KCNJ4: variants seen among roughly 807,000 people sequenced by gnomAD.
KCNJ4 encodes the protein potassium inwardly rectifying channel subfamily J member 4.
KCNJ4 carries 3 observed loss-of-function variants against 25.6 expected under a neutral mutation model. That is an observed-to-expected ratio of 0.12 (90% CI 0.05 to 0.30). KCNJ4 has a LOEUF of 0.30. Ranked by LOEUF, KCNJ4 falls within the 10% of genes least tolerant of loss-of-function variation. The probability of loss-of-function intolerance (pLI) is 1.00; values close to 1 mark genes in which losing one functional copy is unlikely to be tolerated. For synonymous variants in KCNJ4, 257 were observed against 283.9 expected (o/e 0.91, Z 0.95); for missense variants, 286 against 666.8 (o/e 0.43, Z 6.29).
chr22:38,451,145 C>A (rs1489322920), intron 1 of KCNJ4, among the ~76,000 whole-genome samples: 6 of 152,200 alleles, frequency 3.9e-5, no homozygotes, highest in Admixed American at 1.3e-4. Context: ...CGCTGGGAAG[C>A]GGGGAAGCGA....
In KCNJ4 at chr22:38,453,691, G is replaced by A. The variant is rs565189549; in HGVS notation, c.-40+1289C>T. Among the ~76,000 whole-genome samples the A allele has an allele frequency of 5.9e-5, 9 of 152,296 alleles. No homozygotes were observed. The South Asian group carries it at 1.9e-3, about 32-fold the overall frequency. On this transcript the variant is annotated intron_variant, in intron 1 of 1. Transcript: ENST00000303592. Reference sequence around the variant, plus strand: ...CCACAGATGTGGAAGATGACGGTTGGGAGGAGAGTGACCAGCCCAGGGGGC... The same window carrying A: ...CCACAGATGTGGAAGATGACGGTTGAGAGGAGAGTGACCAGCCCAGGGGGC...
intron 1 of KCNJ4, among the ~76,000 whole-genome samples, chr22:38,444,846 CCATT>C (rs1209695616): frequency 6.6e-6 from 1 of 152,204 alleles, no homozygotes; most frequent in South Asian, 2.1e-4. Context: ...ATCCATCCAT[CCATT>C]CATTCATCAC....
At chr22:38,447,392 C>T (rs2089382241) in intron 1 of KCNJ4, among the ~76,000 whole-genome samples, 1 of 152,170 alleles carries the variant, frequency 6.6e-6, no homozygotes, top group South Asian at 2.1e-4. Flanking sequence ...GCCCAAAGCC[C>T]CTCTGCCTGC....
chr22:38,446,170 T>C (rs2089373087), intron 1 of KCNJ4, among the ~76,000 whole-genome samples: 1 of 152,244 alleles, frequency 6.6e-6, no homozygotes, highest in Admixed American at 6.5e-5. Context: ...GAGTAAGCTC[T>C]GCCGGGCTGC....
rs753671483 is a variant in KCNJ4 at position 38,427,839 on chromosome 22, G to GC, written c.293dup (p.Ala100GlyfsTer148). 5 of 1,603,314 alleles carry GC rather than the reference G, an allele frequency of 3.1e-6. No homozygotes were observed. The highest frequency in any genetic ancestry group is 1.7e-5 in the Admixed American group (1 of 57,876). ...CTGCTCCGCCACCACCCGCCGCCGG[G>GC]CCCCCCGCCGCAGGCACCCCTGGGC... On this transcript the variant is annotated frameshift_variant, in exon 2 of 2. Coordinates refer to ENST00000303592, the MANE Select transcript of KCNJ4 (RefSeq NM_152868.3). LOFTEE classifies it high-confidence loss of function.
At chr22:38,448,760 T>A (rs1430458770) in intron 1 of KCNJ4, among the ~76,000 whole-genome samples, 1 of 152,028 alleles carries the variant, frequency 6.6e-6, no homozygotes, top group African/African-American at 2.4e-5. Context: ...GGTTTCTCCA[T>A]CTCCCAGGAG....
At chr22:38,434,413 G>T (rs966249006) in intron 1 of KCNJ4, among the ~76,000 whole-genome samples, 22 of 152,282 alleles carry the variant, frequency 1.4e-4, no homozygotes, top group African/African-American at 5.1e-4. Context: ...TATCCTTTGT[G>T]TATTTAACAA....
chr22:38,442,776 G>A (rs574638188), intron 1 of KCNJ4, among the ~76,000 whole-genome samples: 4 of 152,122 alleles, frequency 2.6e-5, no homozygotes, highest in South Asian at 4.2e-4. Context: ...GCAGGGTCTC[G>A]CTGTCACCCA....
Position 38,427,355 on chromosome 22 carries a change from T to C in KCNJ4, c.778A>G (p.Ile260Val). ...LDRIFLVSPI[I>V]IVHEIDEDSP... is the part of the protein sequence containing the mutation. Reference sequence around the variant, plus strand: ...TCCTCGTCGATCTCGTGGACAATGATGATGGGCGACACCAGGAAGATGCGG... The same window carrying C: ...TCCTCGTCGATCTCGTGGACAATGACGATGGGCGACACCAGGAAGATGCGG... Residue 260 changes from isoleucine (I) to valine (V), a missense_variant, in exon 2 of 2, where the codon ATC (isoleucine) becomes GTC (valine). Ile to Val is a conservative substitution (Grantham distance 29). Transcript: ENST00000303592. 1 of 1,614,016 alleles carries C rather than the reference T, an allele frequency of 6.2e-7. No individual in the cohort carries two copies. The highest frequency in any genetic ancestry group is 8.5e-7 in the Non-Finnish European group (1 of 1,180,014).
At position 38,430,018 on chromosome 22, in the gene KCNJ4, C is replaced by T. The variant is rs1029379510; in HGVS notation, c.-39-1847G>A. On this transcript the variant is annotated intron_variant, in intron 1 of 1. Coordinates refer to ENST00000303592, the MANE Select transcript of KCNJ4 (RefSeq NM_152868.3). ...CTCTTCCCAAGAGAAACTCCCTCTCCGGGCCCAGGGAGAGTGAGCCCTGCC... is the reference window on the plus strand; with the variant it reads ...CTCTTCCCAAGAGAAACTCCCTCTCTGGGCCCAGGGAGAGTGAGCCCTGCC... Among the ~76,000 whole-genome samples the T allele has an allele frequency of 4.6e-5, 7 of 152,192 alleles. No homozygotes were observed. In the East Asian group the frequency reaches 5.8e-4, roughly 13 times the overall value.
Position 38,427,082 on chromosome 22 carries a change from G to A in KCNJ4, c.1051C>T (p.Arg351Trp), listed in dbSNP as rs1293721371. 4 of 1,612,814 alleles carry A rather than the reference G, an allele frequency of 2.5e-6. No individual in the cohort carries two copies. The highest frequency in any genetic ancestry group is 1.1e-5 in the South Asian group (1 of 91,084). The change falls in exon 2 of 2, where the codon CGG becomes TGG. Residue 351 changes from arginine (R) to tryptophan (W), a missense_variant. Coordinates refer to ENST00000303592, the MANE Select transcript of KCNJ4 (RefSeq NM_152868.3). ...GTGATCTTACTCTCCTGCAGCTCCCGGGCCGAGCAGCAGGGCGTGCCGGCC... is the reference window on the plus strand; with the variant it reads ...GTGATCTTACTCTCCTGCAGCTCCCAGGCCGAGCAGCAGGGCGTGCCGGCC... Reference protein sequence around the residue: ...EVAGTPCCSARELQESKITVL... With the variant: ...EVAGTPCCSAWELQESKITVL...
At chr22:38,431,780 G>A (rs535359320) in intron 1 of KCNJ4, among the ~76,000 whole-genome samples, 2 of 152,242 alleles carry the variant, frequency 1.3e-5, no homozygotes, top group Non-Finnish European at 2.9e-5. Flanking sequence ...GCAAGGCCTG[G>A]CCAAAAAGTG....
chr22:38,450,555 A>C (rs567579954), intron 1 of KCNJ4, among the ~76,000 whole-genome samples: 2 of 152,082 alleles, frequency 1.3e-5, no homozygotes, highest in East Asian at 3.9e-4. Flanking sequence ...CCTAGCTTGG[A>C]GCCAGCCCTC....
chr22:38,429,814 T>C (rs2145932210), intron 1 of KCNJ4, among the ~76,000 whole-genome samples: 1 of 152,320 alleles, frequency 6.6e-6, no homozygotes, highest in South Asian at 2.1e-4. Flanking sequence ...CCCAATAACA[T>C]TTTGGCCCAG....
intron 1 of KCNJ4, among the ~76,000 whole-genome samples, chr22:38,437,772 C>A (rs768515546): frequency 2.6e-4 from 39 of 152,110 alleles, no homozygotes; most frequent in Non-Finnish European, 7.4e-5. Flanking sequence ...GGGAGTCTGT[C>A]CGGAGAACTG....
intron 1 of KCNJ4, among the ~76,000 whole-genome samples, chr22:38,440,844 G>A (rs965753985): frequency 3.3e-5 from 5 of 152,290 alleles, no homozygotes; most frequent in East Asian, 3.9e-4. Flanking sequence ...AGACTGAAAC[G>A]GGGCCAGGTT....
chr22:38,444,782 C>T (rs1654113262), intron 1 of KCNJ4, among the ~76,000 whole-genome samples: 1 of 152,316 alleles, frequency 6.6e-6, no homozygotes, highest in African/African-American at 2.4e-5. Context: ...TTACTGCTGA[C>T]CACCTTCCCA....
intron 1 of KCNJ4, among the ~76,000 whole-genome samples, chr22:38,448,409 G>A (rs2089390255): frequency 6.6e-6 from 1 of 152,180 alleles, no homozygotes; most frequent in African/African-American, 2.4e-5. Flanking sequence ...CCCCCAGATG[G>A]ACAGTGGCCT....
At chr22:38,454,861 C>T (rs1368985945) in intron 1 of KCNJ4, 119 bp downstream of exon 1, 2 of 151,810 alleles carry the variant, frequency 1.3e-5, no homozygotes, top group South Asian at 2.1e-4. Context: ...GCAGCCGGGA[C>T]CCGGCTCCGG....
Sources: allele counts gnomAD v4.1 joint callset (sites outside exome capture counted in the v4.1 genomes callset), GRCh38; gene constraint gnomAD v4.1.1; transcripts MANE v1.5; gene names NCBI Gene and HGNC (gene_info 2026-07-23, HGNC 2026-07-21).